The following FLT1 variants were observed in gnomAD, a reference collection of about 807,000 sequenced individuals.
FLT1 encodes vascular endothelial growth factor receptor 1.
FLT1 carries 49 observed loss-of-function variants against 156.3 expected under a neutral mutation model. That is an observed-to-expected ratio of 0.31 (90% CI 0.25 to 0.40). The LOEUF is 0.40. Ranked by LOEUF, FLT1 falls within the 10% of genes least tolerant of loss-of-function variation. The probability of loss-of-function intolerance (pLI) is 1.00; values close to 1 mark genes in which losing one functional copy is unlikely to be tolerated. For synonymous variants in FLT1, 594 were observed against 583.8 expected (o/e 1.02, Z -0.25); for missense variants, 1,322 against 1,637.2 (o/e 0.81, Z 3.32).
At chr13:28,479,782 C>T (rs1485560561) in intron 1 of FLT1, among the ~76,000 whole-genome samples, 2 of 152,320 alleles carry the variant, frequency 1.3e-5, no homozygotes, top group East Asian at 1.9e-4. Flanking sequence ...TATACCCATA[C>T]ACCTTCATTA....
chr13:28,459,171 C>T (rs1879426103), intron 3 of FLT1, among the ~76,000 whole-genome samples: 2 of 152,174 alleles, frequency 1.3e-5, no homozygotes, highest in South Asian at 2.1e-4. Flanking sequence ...GGAATCTCAC[C>T]TGGGTTTCCA....
At chr13:28,346,116 C>T (rs1160257898) in intron 15 of FLT1, 4 of 155,490 alleles carry the variant, frequency 2.6e-5, no homozygotes, top group Admixed American at 6.4e-5. Context: ...GCGCCCACAT[C>T]CCACTCCCTT....
chr13:28,311,886 AC>A, intron 26 of FLT1, 106 bp downstream of exon 26: 1 of 1,081,768 alleles, frequency 9.2e-7, no homozygotes, highest in Non-Finnish European at 1.4e-6. Flanking sequence ...CTTTTTTTAA[AC>A]TTCTGATCTC....
chr13:28,385,573 G>C (rs1260123018), intron 13 of FLT1: 2 of 1,014,186 alleles, frequency 2.0e-6, no homozygotes, highest in African/African-American at 3.4e-5. Context: ...AAGCTTTATT[G>C]GTTCTTTCCT....
At chr13:28,419,244 A>G (rs1876840221) in intron 10 of FLT1, among the ~76,000 whole-genome samples, 1 of 152,200 alleles carries the variant, frequency 6.6e-6, no homozygotes, top group South Asian at 2.1e-4. Context: ...TTTGTCACCT[A>G]AAAGGGCACT....
At chr13:28,340,771 T>G (rs1417467381) in intron 16 of FLT1, among the ~76,000 whole-genome samples, 2 of 152,132 alleles carry the variant, frequency 1.3e-5, no homozygotes, top group African/African-American at 4.8e-5. Context: ...TCACAAAAAT[T>G]ATCACTAAAA....
chr13:28,459,087 T>C (rs187399385), intron 3 of FLT1, among the ~76,000 whole-genome samples: 15 of 152,264 alleles, frequency 9.9e-5, no homozygotes, highest in African/African-American at 3.4e-4. Context: ...GGCCAGAAAA[T>C]TCCTAGGAGT....
intron 18 of FLT1, among the ~76,000 whole-genome samples, chr13:28,331,963 C>T (rs1374618435): frequency 6.6e-5 from 10 of 152,068 alleles, no homozygotes; most frequent in South Asian, 2.1e-4. Flanking sequence ...CAGTGGCTCA[C>T]GCCTGTAATC....
chr13:28,311,832 G>A, intron 26 of FLT1, 100 bp from the exon 27 acceptor site: 2 of 1,394,112 alleles, frequency 1.4e-6, no homozygotes, highest in Non-Finnish European at 2.0e-6. Flanking sequence ...GCACAATCTT[G>A]GTTGTGTTTT....
chr13:28,312,968 ATTTT>A (rs1357092320), intron 25 of FLT1, among the ~76,000 whole-genome samples: 27 of 147,630 alleles, frequency 1.8e-4, no homozygotes, highest in Non-Finnish European at 2.7e-4. Context: ...TTTTATTTTT[ATTTT>A]TATTTTTATT....
chr13:28,417,311 T>A (rs2137520197), intron 10 of FLT1, among the ~76,000 whole-genome samples: 1 of 152,360 alleles, frequency 6.6e-6, no homozygotes, highest in South Asian at 2.1e-4. Flanking sequence ...CCCGTTTGTA[T>A]GCCTGTGTTA....
intron 1 of FLT1, among the ~76,000 whole-genome samples, chr13:28,471,453 C>A (rs1184175854): frequency 6.6e-6 from 1 of 152,196 alleles, no homozygotes; most frequent in Non-Finnish European, 1.5e-5. Context: ...AGTTTCATGT[C>A]CATGTACCTA....
intron 15 of FLT1, among the ~76,000 whole-genome samples, chr13:28,348,155 C>T (rs189310027): frequency 2.0e-5 from 3 of 152,338 alleles, no homozygotes; most frequent in African/African-American, 7.2e-5. Flanking sequence ...TCCTACCCAG[C>T]TGTGACTGCC....
chr13:28,333,551 G>A (rs1350182726), intron 18 of FLT1, among the ~76,000 whole-genome samples: 1 of 152,194 alleles, frequency 6.6e-6, no homozygotes, highest in Non-Finnish European at 1.5e-5. Flanking sequence ...TTTTATGGCT[G>A]AGGTAGTTAG....
chr13:28,469,193 G>A (rs1220226098), intron 1 of FLT1, among the ~76,000 whole-genome samples: 3 of 152,148 alleles, frequency 2.0e-5, no homozygotes, highest in Non-Finnish European at 4.4e-5. Context: ...CTTGGAGGGA[G>A]GAAAACTTAG....
At chr13:28,473,066 G>A (rs1372951523) in intron 1 of FLT1, among the ~76,000 whole-genome samples, 1 of 152,112 alleles carries the variant, frequency 6.6e-6, no homozygotes, top group East Asian at 1.9e-4. Flanking sequence ...ACTTCATGCC[G>A]ACTGGGAAAG....
At chr13:28,398,357 T>C (rs1875191117) in intron 11 of FLT1, among the ~76,000 whole-genome samples, 1 of 152,234 alleles carries the variant, frequency 6.6e-6, no homozygotes, top group South Asian at 2.1e-4. Context: ...GACAGCTGAC[T>C]TTCCAAGGTG....
intron 26 of FLT1, 82 bp downstream of exon 26, chr13:28,311,911 A>C (rs1871021832): frequency 2.7e-6 from 3 of 1,099,378 alleles, no homozygotes; most frequent in Middle Eastern, 2.7e-4. Context: ...TATTATATTA[A>C]TAGCTCTTAA....
chr13:28,375,873 C>T (rs61763258), intron 14 of FLT1, among the ~76,000 whole-genome samples: 1,930 of 152,248 alleles, frequency 0.013, 45 homozygotes, highest in African/African-American at 0.044. Context: ...TCATTGTGTA[C>T]CGTAAGGATA....
Sources: allele counts gnomAD v4.1 joint callset (sites outside exome capture counted in the v4.1 genomes callset), GRCh38; gene constraint gnomAD v4.1.1; transcripts MANE v1.5; gene names NCBI Gene and HGNC (gene_info 2026-07-23, HGNC 2026-07-21).